STS: variants seen among roughly 807,000 people sequenced by gnomAD.
STS encodes the protein steryl-sulfatase.
A neutral mutation model predicts 26.8 loss-of-function variants in STS; 7 were observed. That is an observed-to-expected ratio of 0.26 (90% CI 0.15 to 0.49). The LOEUF (loss-of-function observed/expected upper bound fraction) is 0.49, where lower values mean the gene tolerates loss of function less well. STS is among the 20% of genes least tolerant of loss of function. The pLI, the probability that STS is intolerant of heterozygous loss-of-function variation, is 0.98. For synonymous variants in STS, 199 were observed against 189.4 expected (o/e 1.05, Z -0.42); for missense variants, 434 against 465.6 (o/e 0.93, Z 0.63).
chrX:7,283,667 T>C (rs1427499123), intron 7 of STS, among the ~76,000 whole-genome samples: 4 of 110,334 alleles, frequency 3.6e-5, no homozygotes, highest in African/African-American at 1.3e-4. Flanking sequence ...CCAAACTTAT[T>C]GATGATTGAA....
chrX:7,253,459 C>G (rs1923244885), intron 3 of STS, 123 bp downstream of exon 3: 5 of 973,048 alleles, frequency 5.1e-6, no homozygotes, highest in African/African-American at 3.8e-5. Context: ...CCAAACCATG[C>G]CTGGCTTCAT....
chrX:7,317,747 G>A (rs753026011), intron 8 of STS, among the ~76,000 whole-genome samples: 42 of 111,664 alleles, frequency 3.8e-4, no homozygotes, highest in Non-Finnish European at 5.8e-4. Flanking sequence ...GGGATTACAG[G>A]TGTGAGCCAC....
chrX:7,253,232 G>A lies in STS; in HGVS notation c.33G>A (p.Leu11=). The stretch of plus-strand genomic sequence containing the variant: ...TCCCTTTCCTCCTACTGTTCTTTCT[G>A]TGGGAAGCCGAGAGCCACGCAGCAT... MKIPFLLLFF[L]WEAESHAASR... Residue 11 remains leucine (L), a synonymous_variant, in exon 3 of 11, where the codon CTG becomes CTA. Coordinates refer to ENST00000674429, the MANE Select transcript of STS (RefSeq NM_001320752.2). The A allele has an allele frequency of 8.3e-7, 1 of 1,211,188 alleles. No homozygotes were observed. Among genetic ancestry groups the A allele is most frequent in the Admixed American group, 2.2e-5 (1 of 45,981 alleles).
chrX:7,203,063 C>T (rs930676493), intron 2 of STS, among the ~76,000 whole-genome samples: 4 of 110,539 alleles, frequency 3.6e-5, no homozygotes, highest in African/African-American at 1.3e-4. Flanking sequence ...TCTGTTTCTC[C>T]CTGTCCCTCT....
intron 10 of STS, among the ~76,000 whole-genome samples, chrX:7,338,403 A>C (rs924729719): frequency 2.7e-5 from 3 of 112,303 alleles, no homozygotes; most frequent in South Asian, 3.7e-4. Flanking sequence ...TCTAGAATGC[A>C]ATGCAATATA....
chrX:7,323,319 C>T (rs772992890), intron 8 of STS, among the ~76,000 whole-genome samples: 40 of 109,945 alleles, frequency 3.6e-4, no homozygotes, highest in Non-Finnish European at 5.3e-4. Context: ...TTCTAATGAT[C>T]CTGTCATCCA....
At chrX:7,266,283 G>A (rs781646733) in intron 6 of STS, among the ~76,000 whole-genome samples, 3 of 111,933 alleles carry the variant, frequency 2.7e-5, no homozygotes, top group Non-Finnish European at 3.8e-5. Context: ...TCTCTACACT[G>A]TGTTACTGAT....
chrX:7,304,350 T>C (rs762311947), intron 7 of STS, among the ~76,000 whole-genome samples: 3 of 111,537 alleles, frequency 2.7e-5, no homozygotes, highest in Non-Finnish European at 5.6e-5. Flanking sequence ...ATTGTTATTA[T>C]TATTGTTGTT....
chrX:7,161,919 C>T (rs1230765569), intron 1 of STS, among the ~76,000 whole-genome samples: 1 of 111,215 alleles, frequency 9.0e-6, no homozygotes, highest in Non-Finnish European at 1.9e-5. Context: ...GCCCCATATT[C>T]ATTTATAATG....
chrX:7,349,495 C>G (rs1332120761), intron 10 of STS, among the ~76,000 whole-genome samples: 1 of 107,180 alleles, frequency 9.3e-6, no homozygotes, highest in Non-Finnish European at 1.9e-5. Context: ...GCCACAACAC[C>G]TGGCTAATTT....
At chrX:7,281,767 A>T (rs1303929432) in intron 7 of STS, among the ~76,000 whole-genome samples, 2 of 112,466 alleles carry the variant, frequency 1.8e-5, no homozygotes, top group Non-Finnish European at 3.8e-5. Context: ...CTGGATTATC[A>T]GACATGGTTG....
At chrX:7,288,058 A>G (rs185162734) in intron 7 of STS, among the ~76,000 whole-genome samples, 1 of 109,341 alleles carries the variant, frequency 9.1e-6, no homozygotes, top group African/African-American at 3.3e-5. Flanking sequence ...TCACTTTTCT[A>G]TTGGATTGTA....
intron 7 of STS, among the ~76,000 whole-genome samples, chrX:7,284,185 AT>A (rs1321270929): frequency 7.1e-5 from 8 of 112,119 alleles, no homozygotes; most frequent in African/African-American, 2.3e-4. Flanking sequence ...TGGACTGCTC[AT>A]TCATTAACTG....
Position 7,317,414 on chromosome X carries a change from G to A in STS, c.1082-7925G>A, listed in dbSNP as rs186103644. On this transcript the variant is annotated intron_variant, in intron 8 of 10. Coordinates refer to ENST00000674429, the MANE Select transcript of STS (RefSeq NM_001320752.2). ...GGTAAAAGACATTTCTTTTTATTTT[G>A]GTTGGTGTTTAATCAGAGTTATCTG... Among the ~76,000 whole-genome samples, 3 of 110,855 alleles carry A rather than the reference G, an allele frequency of 2.7e-5. No individual in the cohort carries two copies. In the East Asian group the frequency reaches 8.5e-4, roughly 31 times the overall value.
chrX:7,277,449 G>A (rs1271320185), intron 7 of STS, among the ~76,000 whole-genome samples: 3 of 111,646 alleles, frequency 2.7e-5, no homozygotes, highest in Non-Finnish European at 5.6e-5. Flanking sequence ...GTGATTGTCA[G>A]AACAAATTTT....
chrX:7,305,119 A>G lies in STS; in HGVS notation c.1017A>G (p.Gly339=). ...DTLIYFTSDQ[G]AHVEEVSSKG... ...TCATCTACTTCACATCGGACCAGGGAGCACATGTAGAAGAAGTGTCTTCCA... is the reference window on the plus strand; with the variant it reads ...TCATCTACTTCACATCGGACCAGGGGGCACATGTAGAAGAAGTGTCTTCCA... Residue 339 remains glycine (G), a synonymous_variant, in exon 8 of 11, where the codon GGA becomes GGG. Transcript: ENST00000674429. The G allele has an allele frequency of 1.7e-6, 2 of 1,211,008 alleles. No individual in the cohort carries two copies. Among genetic ancestry groups the G allele is most frequent in the Non-Finnish European group, 2.2e-6 (2 of 894,804 alleles).
chrX:7,167,628 G>C (rs1178657087), intron 1 of STS, among the ~76,000 whole-genome samples: 2 of 112,159 alleles, frequency 1.8e-5, no homozygotes, highest in Non-Finnish European at 3.8e-5. Flanking sequence ...ACCAAGGCCA[G>C]CAGGAGAAGG....
chrX:7,279,292 A>ATATATATAT (rs1555959584), intron 7 of STS, among the ~76,000 whole-genome samples: 3 of 62,772 alleles, frequency 4.8e-5, no homozygotes, highest in African/African-American at 1.9e-4. Flanking sequence ...AAAAAAAAAA[A>ATATATATAT]ATATATATAT....
Position 7,334,086 on chromosome X carries a change from G to A in STS, c.1342G>A (p.Val448Met). ...TTACTGCAACGCCTACTTAAATGCT[G>A]TGCGCTGGCACCCTCAGAACAGTGA... ...FHYCNAYLNA[V>M]RWHPQNSTSI... Residue 448 changes from valine (V) to methionine (M), a missense_variant, in exon 10 of 11, where the codon GTG (valine) becomes ATG (methionine). By Grantham distance (21) the Val-to-Met change is conservative. Coordinates refer to ENST00000674429, the MANE Select transcript of STS (RefSeq NM_001320752.2). The A allele has an allele frequency of 8.3e-7, 1 of 1,211,404 alleles. No homozygotes were observed.
Sources: allele counts gnomAD v4.1 joint callset (sites outside exome capture counted in the v4.1 genomes callset), GRCh38; gene constraint gnomAD v4.1.1; transcripts MANE v1.5; gene names NCBI Gene and HGNC (gene_info 2026-07-23, HGNC 2026-07-21).